PPP2R5E: variants seen among roughly 807,000 people sequenced by gnomAD.
PPP2R5E encodes the protein protein phosphatase 2 regulatory subunit B'epsilon.
Under a neutral mutation model 65.3 loss-of-function variants are expected in PPP2R5E, and 4 were observed. That is an observed-to-expected ratio of 0.06 (90% confidence interval 0.03 to 0.14). The LOEUF is 0.14. PPP2R5E is among the 10% of genes least tolerant of loss of function. PPP2R5E has a pLI of 1.00. For missense variants in PPP2R5E, 274 were observed against 556.1 expected (o/e 0.49, Z 5.10); for synonymous variants, 183 against 187.4 (o/e 0.98, Z 0.19).
intron 2 of PPP2R5E, among the ~76,000 whole-genome samples, chr14:63,489,218 G>C (rs1387497290): frequency 6.6e-6 from 1 of 151,802 alleles, no homozygotes; most frequent in South Asian, 2.1e-4. Flanking sequence ...AAATAGTATA[G>C]GCTCACCAAA....
At chr14:63,391,768 A>G (rs1424617263) in intron 10 of PPP2R5E, 49 bp downstream of exon 10, 6 of 1,584,818 alleles carry the variant, frequency 3.8e-6, no homozygotes, top group Non-Finnish European at 3.5e-6. Context: ...CTTGGCACTC[A>G]GCAAAATATT....
At chr14:63,499,450 T>C (rs1450344416) in intron 2 of PPP2R5E, among the ~76,000 whole-genome samples, 1 of 152,108 alleles carries the variant, frequency 6.6e-6, no homozygotes, top group Non-Finnish European at 1.5e-5. Flanking sequence ...TAAGGCTGGG[T>C]GCAGGGGCTC....
At chr14:63,542,522 G>T (rs1370531662) in intron 1 of PPP2R5E, among the ~76,000 whole-genome samples, 1 of 152,186 alleles carries the variant, frequency 6.6e-6, no homozygotes, top group African/African-American at 2.4e-5. Flanking sequence ...TGGATAAAGG[G>T]GGGCAAGAAA....
At chr14:63,428,267 TA>T (rs1346363071) in intron 3 of PPP2R5E, among the ~76,000 whole-genome samples, 9 of 152,234 alleles carry the variant, frequency 5.9e-5, no homozygotes, top group Admixed American at 5.9e-4. Context: ...TCAAGGACTC[TA>T]TTCATCTCAG....
At chr14:63,430,448 T>C (rs1034587123) in intron 3 of PPP2R5E, among the ~76,000 whole-genome samples, 3 of 152,080 alleles carry the variant, frequency 2.0e-5, no homozygotes, top group Non-Finnish European at 4.4e-5. Context: ...ACTGTAAGAA[T>C]AAGAACTAAA....
In PPP2R5E at chr14:63,373,525, C is replaced by A. The variant is rs1477939043; in HGVS notation, c.*2484G>T. ...ATTAAAAAAGAAAAAGACGGTGTTTCTTCTCAGAAGTTGCCCTACGAATTT... is the reference window on the plus strand; with the variant it reads ...ATTAAAAAAGAAAAAGACGGTGTTTATTCTCAGAAGTTGCCCTACGAATTT... On this transcript the variant is annotated 3_prime_UTR_variant, in exon 14 of 14. Transcript: ENST00000337537. 1 of 152,206 alleles carries A rather than the reference C, an allele frequency of 6.6e-6. No individual in the cohort carries two copies. The highest frequency in any genetic ancestry group is 1.5e-5 in the Non-Finnish European group (1 of 68,046). 9.4% of individuals were successfully genotyped at this position (152,206 alleles called of 1,614,324 possible). A position where few individuals can be genotyped will look rare whatever the true frequency, so the allele number is the denominator to read the frequency against.
chr14:63,376,841 C>T (rs1290449988), intron 13 of PPP2R5E, among the ~76,000 whole-genome samples: 1 of 152,188 alleles, frequency 6.6e-6, no homozygotes, highest in African/African-American at 2.4e-5. Context: ...TACACTGTCT[C>T]TGGTTTTTTT....
At chr14:63,529,361 C>CT (rs557363996) in intron 2 of PPP2R5E, among the ~76,000 whole-genome samples, 20,719 of 129,642 alleles carry the variant, frequency 0.16, 2,746 homozygotes, top group African/African-American at 0.35. Flanking sequence ...AGCCCAAAGA[C>CT]TTTTTTTTTT....
chr14:63,404,449 C>A lies in PPP2R5E; in HGVS notation c.550-7733G>T, dbSNP rs966408712. Among the ~76,000 whole-genome samples, 3 of 152,318 alleles carry A rather than the reference C, an allele frequency of 2.0e-5. No homozygotes were observed. In the East Asian group the frequency reaches 5.8e-4, roughly 29 times the overall value. On this transcript the variant is annotated intron_variant, in intron 5 of 13. Coordinates refer to ENST00000337537, the MANE Select transcript of PPP2R5E (RefSeq NM_006246.5). ...GAAAACTATCTTCCTCATACTTTCA[C>A]CTTGGCCAAATACAGAGAAAACAGC... is the stretch of plus-strand genomic sequence containing the variant.
intron 2 of PPP2R5E, among the ~76,000 whole-genome samples, chr14:63,490,726 C>T (rs1891245010): frequency 6.6e-6 from 1 of 151,862 alleles, no homozygotes; most frequent in Admixed American, 6.6e-5. Flanking sequence ...ATTAAAAAGT[C>T]AAAAAATAAC....
intron 2 of PPP2R5E, among the ~76,000 whole-genome samples, chr14:63,479,988 G>GT (rs1003914499): frequency 6.6e-6 from 1 of 152,092 alleles, no homozygotes; most frequent in African/African-American, 2.4e-5. Context: ...TTTTTGCTTT[G>GT]TTTTTCCTTT....
chr14:63,384,151 T>C (rs1323764154), intron 12 of PPP2R5E, among the ~76,000 whole-genome samples: 2 of 152,150 alleles, frequency 1.3e-5, no homozygotes, highest in East Asian at 1.9e-4. Context: ...AGTCTAAGCA[T>C]GGCCATGCTG....
At chr14:63,518,060 C>T (rs1053502179) in intron 2 of PPP2R5E, among the ~76,000 whole-genome samples, 46 of 152,288 alleles carry the variant, frequency 3.0e-4, no homozygotes, top group Middle Eastern at 3.4e-3. Flanking sequence ...GCTGAGCCTA[C>T]AGATAGATTT....
At chr14:63,493,769 T>G (rs1387070026) in intron 2 of PPP2R5E, among the ~76,000 whole-genome samples, 2 of 152,094 alleles carry the variant, frequency 1.3e-5, no homozygotes, top group Non-Finnish European at 2.9e-5. Flanking sequence ...TGACACAGGA[T>G]TCTTAAATCA....
intron 2 of PPP2R5E, among the ~76,000 whole-genome samples, chr14:63,480,983 T>C (rs942170195): frequency 2.0e-5 from 3 of 152,188 alleles, no homozygotes; most frequent in South Asian, 2.1e-4. Context: ...ACAAATTCTT[T>C]TGCAAATCTA....
At chr14:63,391,725 G>T (rs531977113) in intron 10 of PPP2R5E, 92 bp downstream of exon 10, 3 of 1,400,078 alleles carry the variant, frequency 2.1e-6, no homozygotes, top group East Asian at 4.6e-5. Context: ...GCCCAGCCCT[G>T]ATGATGCGGT....
intron 2 of PPP2R5E, among the ~76,000 whole-genome samples, chr14:63,464,410 A>C (rs1889671837): frequency 6.6e-6 from 1 of 152,170 alleles, no homozygotes; most frequent in South Asian, 2.1e-4. Context: ...GTAGTCAGCC[A>C]AGGCTGTCTG....
At chr14:63,504,592 GA>G (rs1326708546) in intron 2 of PPP2R5E, among the ~76,000 whole-genome samples, 2 of 151,996 alleles carry the variant, frequency 1.3e-5, no homozygotes, top group Admixed American at 6.6e-5. Flanking sequence ...AAAAAAAGAG[GA>G]AAAAGAAGTC....
At position 63,389,540 on chromosome 14, in the gene PPP2R5E, T is replaced by C. The variant is rs555062100; in HGVS notation, c.1074+72A>G. On this transcript the variant is annotated intron_variant, in intron 11 of 13. Coordinates refer to ENST00000337537, the MANE Select transcript of PPP2R5E (RefSeq NM_006246.5). ...CAATAGGTAGCTAGGGTCCATTACA[T>C]TGCTTTTGAAACAAATAAAATTTAA... The C allele has an allele frequency of 7.0e-5, 104 of 1,482,136 alleles. No individual in the cohort carries two copies. The South Asian group carries it at 1.3e-3, about 18-fold the overall frequency. 91.8% of individuals were successfully genotyped at this position (1,482,136 alleles called of 1,614,324 possible).
Sources: gnomAD v4.1 joint callset for allele counts (sites outside exome capture counted in the v4.1 genomes callset) on GRCh38, gnomAD v4.1.1 for gene constraint, MANE v1.5 for transcripts, NCBI Gene and HGNC (gene_info 2026-07-23, HGNC 2026-07-21) for gene names.